DIP2B: variants seen among roughly 807,000 people sequenced by gnomAD.
DIP2B encodes disco-interacting protein 2 homolog B.
In DIP2B, 76 loss-of-function variants were observed where a neutral mutation model predicts 198.0. The ratio of observed to expected loss-of-function variants is 0.38; its 90% CI spans 0.32 to 0.46. The LOEUF (loss-of-function observed/expected upper bound fraction) is 0.46. DIP2B is among the 20% of genes least tolerant of loss of function. DIP2B has a pLI of 0.99. For missense variants in DIP2B, 1,559 were observed against 1,978.4 expected (o/e 0.79, Z 4.02); for synonymous variants, 701 against 739.1 (o/e 0.95, Z 0.84).
intron 1 of DIP2B, among the ~76,000 whole-genome samples, chr12:50,552,224 G>A (rs1330300348): frequency 6.6e-6 from 1 of 150,686 alleles, no homozygotes; most frequent in Admixed American, 6.6e-5. Flanking sequence ...TCCTTTGCCC[G>A]TTTTTTAATT....
intron 1 of DIP2B, among the ~76,000 whole-genome samples, chr12:50,541,877 CT>C (rs1958329029): frequency 6.6e-6 from 1 of 152,094 alleles, no homozygotes; most frequent in Non-Finnish European, 1.5e-5. Context: ...TGGCGTATGC[CT>C]GTAGTCCCAG....
Position 50,745,493 on chromosome 12 carries a change from T to G in DIP2B, c.*654T>G, listed in dbSNP as rs770323779. Reference sequence around the variant, plus strand: ...GAAACATTTCTACTTTGAGAGAATTTCAATATTCTCTTAATGTTGTGTAAT... The same window carrying G: ...GAAACATTTCTACTTTGAGAGAATTGCAATATTCTCTTAATGTTGTGTAAT... On this transcript the variant is annotated 3_prime_UTR_variant, in exon 38 of 38. Coordinates refer to ENST00000301180, the MANE Select transcript of DIP2B (RefSeq NM_173602.3). The G allele has an allele frequency of 2.6e-5, 4 of 152,500 alleles. No homozygotes were observed. The highest frequency in any genetic ancestry group is 5.9e-5 in the Non-Finnish European group (4 of 68,120). 9.4% of individuals were successfully genotyped at this position (152,500 alleles called of 1,614,324 possible). A position where few individuals can be genotyped will look rare whatever the true frequency, so the allele number is the denominator to read the frequency against.
chr12:50,686,729 T>C (rs1174319435), intron 12 of DIP2B, 47 bp downstream of exon 12: 2 of 1,552,448 alleles, frequency 1.3e-6, no homozygotes, highest in African/African-American at 1.4e-5. Context: ...TCCTTGGGCT[T>C]TGCTTGCCAC....
rs1255728928 is a variant in DIP2B at position 50,624,008 on chromosome 12, G to GT, written c.101-1961dup. The stretch of plus-strand genomic sequence containing the variant: ...TAAGCATCTAGATTGCTGCCAGTTT[G>GT]TTTTTTTACTGTAAACAGTAGAGCA... On this transcript the variant is annotated intron_variant, in intron 1 of 37. Coordinates refer to ENST00000301180, the MANE Select transcript of DIP2B (RefSeq NM_173602.3). 3.3e-5 allele frequency among the ~76,000 whole-genome samples: 5 copies of GT among 152,186 alleles called. No homozygotes were observed. In the South Asian group the frequency reaches 6.2e-4, roughly 19 times the overall value.
chr12:50,684,219 A>G (rs1939093958), intron 10 of DIP2B, among the ~76,000 whole-genome samples: 1 of 152,228 alleles, frequency 6.6e-6, no homozygotes, highest in Non-Finnish European at 1.5e-5. Flanking sequence ...ATCCACATTT[A>G]TAGTAGTTGA....
At chr12:50,604,766 A>G (rs1470098732) in intron 1 of DIP2B, among the ~76,000 whole-genome samples, 1 of 152,170 alleles carries the variant, frequency 6.6e-6, no homozygotes, top group Non-Finnish European at 1.5e-5. Flanking sequence ...TGACAGATGA[A>G]GCGATATGCC....
chr12:50,527,624 T>C lies in DIP2B; in HGVS notation c.100+22384T>C, dbSNP rs1958178468. On this transcript the variant is annotated intron_variant, in intron 1 of 37. Coordinates refer to ENST00000301180, the MANE Select transcript of DIP2B (RefSeq NM_173602.3). ...TGGTTATGGTGATGTGCACCTGTAGTCTCATCTGCTTTGGAGTTGAGGCTG... is the reference window on the plus strand; with the variant it reads ...TGGTTATGGTGATGTGCACCTGTAGCCTCATCTGCTTTGGAGTTGAGGCTG... 2.0e-5 allele frequency among the ~76,000 whole-genome samples: 3 copies of C among 152,144 alleles called. No individual in the cohort carries two copies. The South Asian group carries it at 6.2e-4, about 32-fold the overall frequency.
chr12:50,697,533 C>CTTT (rs11306905), intron 17 of DIP2B, among the ~76,000 whole-genome samples: 5,652 of 45,978 alleles, frequency 0.12, 1,933 homozygotes, highest in Non-Finnish European at 0.14. Context: ...TATAGATATA[C>CTTT]TTTTTTTTTT....
At chr12:50,581,801 T>C (rs967239653) in intron 1 of DIP2B, among the ~76,000 whole-genome samples, 5 of 152,216 alleles carry the variant, frequency 3.3e-5, no homozygotes, top group Admixed American at 1.3e-4. Context: ...AAAGGAAAGT[T>C]AATGAAGATG....
At chr12:50,604,346 C>T (rs1347138292) in intron 1 of DIP2B, among the ~76,000 whole-genome samples, 2 of 152,166 alleles carry the variant, frequency 1.3e-5, no homozygotes, top group African/African-American at 4.8e-5. Flanking sequence ...TGTCAAGTGA[C>T]TGTGTATATA....
rs369585875 is a variant in DIP2B at position 50,691,092 on chromosome 12, C to G, written c.1595C>G (p.Ser532Cys). ...KEGSVMGVTV[S>C]RLAMLSHCQA... ...GGGAGTGTAATGGGAGTTACAGTAT[C>G]CCGGCTTGCAATGTTGTCTCACTGC... The change falls in exon 13 of 38, where the codon TCC becomes TGC. Residue 532 changes from serine to cysteine, a missense_variant. Coordinates refer to ENST00000301180, the MANE Select transcript of DIP2B (RefSeq NM_173602.3). 4 of 1,614,032 alleles carry G rather than the reference C, an allele frequency of 2.5e-6. No individual in the cohort carries two copies. Among genetic ancestry groups the G allele is most frequent in the African/African-American group, 1.3e-5 (1 of 74,992 alleles).
intron 1 of DIP2B, among the ~76,000 whole-genome samples, chr12:50,571,556 T>TG (rs1958614502): frequency 6.9e-6 from 1 of 143,994 alleles, no homozygotes; most frequent in African/African-American, 2.6e-5. Flanking sequence ...GCGTTTTTTT[T>TG]TTTTTTTTTT....
chr12:50,609,680 T>A (rs1183342610), intron 1 of DIP2B, among the ~76,000 whole-genome samples: 1 of 152,240 alleles, frequency 6.6e-6, no homozygotes, highest in Non-Finnish European at 1.5e-5. Context: ...TACCTACCTA[T>A]GAGGGGACTG....
intron 14 of DIP2B, among the ~76,000 whole-genome samples, chr12:50,694,612 G>C (rs575497759): frequency 4.7e-5 from 7 of 149,952 alleles, no homozygotes; most frequent in African/African-American, 1.5e-4. Flanking sequence ...TTGAGTTCAG[G>C]AATTGGAGGC....
intron 8 of DIP2B, 179 bp downstream of exon 8, chr12:50,679,055 G>A: frequency 3.0e-6 from 2 of 673,196 alleles, no homozygotes; most frequent in South Asian, 2.1e-5. Context: ...ATTTGCTAAA[G>A]CAACATTTGC....
In DIP2B at chr12:50,505,152, A is replaced by T. The variant is rs752774862; in HGVS notation, c.12A>T (p.Arg4=). The T allele has an allele frequency of 1.3e-6, 2 of 1,528,672 alleles. No homozygotes were observed. Among genetic ancestry groups the T allele is most frequent in the South Asian group, 2.4e-5 (2 of 83,748 alleles). 94.7% of individuals were successfully genotyped at this position (1,528,672 alleles called of 1,614,324 possible). The change falls in exon 1 of 38, where the codon CGA becomes CGT. Residue 4 remains arginine (R), a synonymous_variant. Coordinates refer to ENST00000301180, the MANE Select transcript of DIP2B (RefSeq NM_173602.3). ...CTGGCGGAGCTGGGATGGCGGAACG[A>T]GGCCTGGAGCCGTCGCCGGCCGCGG... MAE[R]GLEPSPAAVA...
intron 1 of DIP2B, among the ~76,000 whole-genome samples, chr12:50,552,404 CT>C (rs1020410522): frequency 1.3e-5 from 2 of 151,818 alleles, no homozygotes; most frequent in African/African-American, 4.8e-5. Flanking sequence ...GTAGCTGGGA[CT>C]ATAGGCGCCC....
chr12:50,550,022 C>A (rs1478153014), intron 1 of DIP2B, among the ~76,000 whole-genome samples: 1 of 152,172 alleles, frequency 6.6e-6, no homozygotes, highest in East Asian at 1.9e-4. Context: ...TCTAGGAGCT[C>A]TGGGGTTTGC....
intron 29 of DIP2B, among the ~76,000 whole-genome samples, chr12:50,728,266 C>A (rs1176371482): frequency 6.6e-6 from 1 of 151,930 alleles, no homozygotes; most frequent in African/African-American, 2.4e-5. Flanking sequence ...GTAATCCCAG[C>A]TACTCAGGAG....
Sources: gnomAD v4.1 joint callset for allele counts (sites outside exome capture counted in the v4.1 genomes callset) on GRCh38, gnomAD v4.1.1 for gene constraint, MANE v1.5 for transcripts, NCBI Gene and HGNC (gene_info 2026-07-23, HGNC 2026-07-21) for gene names.